The following SPG11 variants were observed in gnomAD, a reference collection of about 807,000 sequenced individuals.
SPG11 encodes SPG11 vesicle trafficking associated, spatacsin.
Under a neutral mutation model 274.0 loss-of-function variants are expected in SPG11, and 222 were observed. The observed-to-expected ratio is 0.81, with a 90% CI of 0.73 to 0.91. SPG11 has a LOEUF of 0.91. Ranked by LOEUF, SPG11 falls within the 40% of genes least tolerant of loss-of-function variation. The probability of loss-of-function intolerance (pLI) is 0.00; values close to 1 mark genes in which losing one functional copy is unlikely to be tolerated. For synonymous variants in SPG11, 1,144 were observed against 1,039.7 expected, an observed-to-expected ratio of 1.10 and a Z score of -1.93; for missense variants, 3,114 against 2,872.7, an observed-to-expected ratio of 1.08 and a Z score of -1.92.
chr15:44,660,256 G>C (rs751836039), intron 2 of SPG11, among the ~76,000 whole-genome samples, 176 bp downstream of exon 2: 29 of 151,970 alleles, frequency 1.9e-4, no homozygotes, highest in Non-Finnish European at 2.9e-4. Flanking sequence ...ATGACACAAA[G>C]TACATCTTAA....
chr15:44,651,337 A>T (rs1288581320), intron 6 of SPG11, among the ~76,000 whole-genome samples, 154 bp downstream of exon 6: 1 of 152,226 alleles, frequency 6.6e-6, no homozygotes, highest in Non-Finnish European at 1.5e-5. Flanking sequence ...AGCCAAACAT[A>T]TGAGACACTA....
chr15:44,644,897 C>A (rs962482153), intron 7 of SPG11, among the ~76,000 whole-genome samples: 1 of 152,112 alleles, frequency 6.6e-6, no homozygotes, highest in Admixed American at 6.6e-5. Flanking sequence ...ATGAGAATTA[C>A]AGAACAATGC....
At position 44,572,384 on chromosome 15, in the gene SPG11, A is replaced by G. The variant is rs554658190; in HGVS notation, c.6343+299T>C. On this transcript the variant is annotated intron_variant, in intron 33 of 39. Coordinates refer to ENST00000261866, the MANE Select transcript of SPG11 (RefSeq NM_025137.4). The stretch of plus-strand genomic sequence containing the variant: ...CAGATGTAATCAGCTTTCCTAAGGT[A>G]AAGTTTGTCTCCCTTCTAGGGGACA... 3.6e-4 allele frequency: 138 copies of G among 384,930 alleles called. 1 individual carries two copies. Among genetic ancestry groups the G allele is most frequent in the African/African-American group, 2.7e-3 (132 of 48,408 alleles). The allele number at this position is 384,930 out of a possible 1,614,324, so 23.8% of individuals were successfully genotyped here.
chr15:44,566,048 C>T (rs781069151), intron 37 of SPG11, 39 bp from the exon 38 acceptor site: 32 of 1,612,026 alleles, frequency 2.0e-5, no homozygotes, highest in Non-Finnish European at 2.5e-5. Context: ...AGAGAAAGAC[C>T]TAGTTGTCAC....
chr15:44,587,693 C>CAAAAAAAAAAAAAAAAAAAAAAAAA (rs34479385), intron 28 of SPG11, among the ~76,000 whole-genome samples: 1 of 34,054 alleles, frequency 2.9e-5, no homozygotes, highest in African/African-American at 1.8e-4. Context: ...CAGACTGTCT[C>CAAAAAAAAAAAAAAAAAAAAAAAAA]AAAAAAAAAA....
chr15:44,585,796 A>G lies in SPG11; in HGVS notation c.4961T>C (p.Ile1654Thr). Residue 1654 changes from isoleucine (I) to threonine (T), a missense_variant, in exon 29 of 40, where the codon ATA becomes ACA. Ile to Thr is a moderately conservative substitution (Grantham distance 89). Coordinates refer to ENST00000261866, the MANE Select transcript of SPG11 (RefSeq NM_025137.4). ...GGTAATAATTGTATGATTAATGGCTATGGATGTATCCTTCAAAATCTGGCA... is the reference window on the plus strand; with the variant it reads ...GGTAATAATTGTATGATTAATGGCTGTGGATGTATCCTTCAAAATCTGGCA... ...ILCQILKDTSIAINHTIITSY... is the reference protein window; with the variant it reads ...ILCQILKDTSTAINHTIITSY... The G allele has an allele frequency of 6.2e-7, 1 of 1,614,036 alleles. No homozygotes were observed. Among genetic ancestry groups the G allele is most frequent in the Non-Finnish European group, 8.5e-7 (1 of 1,179,980 alleles).
At chr15:44,637,929 G>A (rs1375629502) in intron 7 of SPG11, among the ~76,000 whole-genome samples, 5 of 152,194 alleles carry the variant, frequency 3.3e-5, no homozygotes, top group Non-Finnish European at 7.3e-5. Context: ...TGTGGGACAA[G>A]ATGTAGAGGT....
At position 44,600,542 on chromosome 15, in the gene SPG11, T is replaced by C. The variant is rs769221549; in HGVS notation, c.3611A>G (p.His1204Arg). The change falls in exon 21 of 40, where the codon CAT becomes CGT. Residue 1204 changes from histidine (H) to arginine (R), a missense_variant. By Grantham distance (29) the His-to-Arg change is conservative. Transcript: ENST00000261866. The stretch of plus-strand genomic sequence containing the variant: ...AAATGCAAATGATGGCCGCCCATTA[T>C]GTAAATAATAAGCAAAATTCAGACG... ...VERLNFAYYL[H>R]NGRPSFAFGT... is the part of the protein sequence containing the mutation. 6.2e-6 allele frequency: 10 copies of C among 1,614,094 alleles called. No homozygotes were observed. The East Asian group carries it at 1.6e-4, about 25-fold the overall frequency.
At chr15:44,623,630 T>C (rs967321280) in intron 11 of SPG11, among the ~76,000 whole-genome samples, 1 of 152,304 alleles carries the variant, frequency 6.6e-6, no homozygotes, top group Admixed American at 6.5e-5. Flanking sequence ...AGGGGTCACA[T>C]GAACAATACA....
rs143699058 is a variant in SPG11, at chr15:44,661,896, T to C, written c.258-1280A>G. 4.6e-4 allele frequency among the ~76,000 whole-genome samples: 70 copies of C among 152,352 alleles called. 1 individual carries two copies. In the East Asian group the frequency reaches 0.013, roughly 28 times the overall value. Reference sequence around the variant, plus strand: ...CCCTTATTTTTAACCTATGAAGTATTTTAACTGAATTAAAATTCAATTCAA... The same window carrying C: ...CCCTTATTTTTAACCTATGAAGTATCTTAACTGAATTAAAATTCAATTCAA... On this transcript the variant is annotated intron_variant, in intron 1 of 39. Coordinates refer to ENST00000261866, the MANE Select transcript of SPG11 (RefSeq NM_025137.4).
In SPG11 at chr15:44,625,668, G is replaced by C. The variant is rs2083878388; in HGVS notation, c.2244+663C>G. On this transcript the variant is annotated intron_variant, in intron 11 of 39. Coordinates refer to ENST00000261866, the MANE Select transcript of SPG11 (RefSeq NM_025137.4). ...TTTCTAAATTACCCAGTCTCAGGTA[G>C]TTCATTATTATTTATTTAGTTACTT... Among the ~76,000 whole-genome samples, 4 of 152,034 alleles carry C rather than the reference G, an allele frequency of 2.6e-5. No homozygotes were observed. The South Asian group carries it at 8.3e-4, about 32-fold the overall frequency.
In SPG11 at chr15:44,596,272, G is replaced by C; in HGVS notation, c.4245C>G (p.Thr1415=). The C allele has an allele frequency of 6.2e-7, 1 of 1,614,168 alleles. No homozygotes were observed. The highest frequency in any genetic ancestry group is 8.5e-7 in the Non-Finnish European group (1 of 1,180,018). The change falls in exon 25 of 40, where the codon ACC becomes ACG. Residue 1415 remains threonine (T), a synonymous_variant. Coordinates refer to ENST00000261866, the MANE Select transcript of SPG11 (RefSeq NM_025137.4). ...AGACTTGATCGCTGTCCATTTTGGA[G>C]GTGGGCACTGAGGGCAAGTTCTCAA... The part of the protein sequence containing the change: ...LAFENLPSVP[T]SKMDSDQVCN...
intron 8 of SPG11, among the ~76,000 whole-genome samples, chr15:44,630,829 C>T (rs1436315738): frequency 1.3e-5 from 2 of 152,150 alleles, no homozygotes; most frequent in African/African-American, 2.4e-5. Flanking sequence ...CCACCCATCT[C>T]GGCCTCCCAA....
chr15:44,572,811 T>G lies in SPG11; in HGVS notation c.6215A>C (p.Gln2072Pro), dbSNP rs746366272. Residue 2072 changes from glutamine (Q) to proline (P), a missense_variant, in exon 33 of 40, where the codon CAG (glutamine) becomes CCG (proline). By Grantham distance (76) the Gln-to-Pro change is moderately conservative. Coordinates refer to ENST00000261866, the MANE Select transcript of SPG11 (RefSeq NM_025137.4). ...GCTTTCCTCTGTTGGGTTGAACATC[T>G]GCTTATGTCCTGTACAGAGAGGTGT... ...LTSSQGTGHK[Q>P]MFNPTEESQT... 1.2e-6 allele frequency: 2 copies of G among 1,613,868 alleles called. No individual in the cohort carries two copies. Among genetic ancestry groups the G allele is most frequent in the African/African-American group, 2.7e-5 (2 of 74,884 alleles).
chr15:44,640,855 C>T (rs1441699556), intron 7 of SPG11, among the ~76,000 whole-genome samples: 4 of 152,098 alleles, frequency 2.6e-5, no homozygotes, highest in East Asian at 3.9e-4. Context: ...CTCAGCCTCC[C>T]GAGTAGCTGG....
intron 4 of SPG11, among the ~76,000 whole-genome samples, chr15:44,656,718 G>T (rs1278178274): frequency 6.6e-6 from 1 of 152,120 alleles, no homozygotes; most frequent in African/African-American, 2.4e-5. Flanking sequence ...TGAATTTAAA[G>T]AACAAATCAT....
rs1434598020 is a variant in SPG11 at position 44,620,220 on chromosome 15, A to G, written c.2804T>C (p.Met935Thr). 6.2e-7 allele frequency: 1 copy of G among 1,613,866 alleles called. No homozygotes were observed. Among genetic ancestry groups the G allele is most frequent in the Non-Finnish European group, 8.5e-7 (1 of 1,179,934 alleles). The change falls in exon 15 of 40, where the codon ATG becomes ACG. Residue 935 changes from methionine to threonine, a missense_variant. Physicochemically the swap from Met to Thr is moderately conservative, Grantham distance 81. Coordinates refer to ENST00000261866, the MANE Select transcript of SPG11 (RefSeq NM_025137.4). Reference sequence around the variant, plus strand: ...CAGCTTATCTAAAATTTCATTCCTCATGTAGTTGTTACAGGAAGTATTCTG... The same window carrying G: ...CAGCTTATCTAAAATTTCATTCCTCGTGTAGTTGTTACAGGAAGTATTCTG... Reference protein sequence around the residue: ...INQNTSCNNYMRNEILDKLAR... With the variant: ...INQNTSCNNYTRNEILDKLAR...
At chr15:44,658,801 A>T (rs546748388) in intron 3 of SPG11, among the ~76,000 whole-genome samples, 1 of 152,338 alleles carries the variant, frequency 6.6e-6, no homozygotes, top group Admixed American at 6.5e-5. Flanking sequence ...ATTTTGAATA[A>T]ACAGGTAATG....
At chr15:44,622,528 A>G in intron 12 of SPG11, 181 bp from the exon 13 acceptor site, 3 of 754,362 alleles carry the variant, frequency 4.0e-6, no homozygotes, top group Non-Finnish European at 6.4e-6. Context: ...GTTAACACAA[A>G]TTTTCTTTTG....
Sources: gnomAD v4.1 joint callset for allele counts (sites outside exome capture counted in the v4.1 genomes callset) on GRCh38, gnomAD v4.1.1 for gene constraint, MANE v1.5 for transcripts, NCBI Gene and HGNC (gene_info 2026-07-23, HGNC 2026-07-21) for gene names.